Variants in RAB30 observed in about 807,000 individuals in gnomAD.
RAB30 encodes the protein RAB30, member RAS oncogene family, also known as ras-related protein Rab-30.
A neutral mutation model predicts 25.1 loss-of-function variants in RAB30; 9 were observed. The observed-to-expected ratio is 0.36, with a 90% CI of 0.22 to 0.63. RAB30 has a LOEUF of 0.63. RAB30 is among the 20% of genes least tolerant of loss of function. The pLI is 0.69. For missense variants in RAB30, 140 were observed against 243.5 expected, an observed-to-expected ratio of 0.58 and a Z score of 2.83; for synonymous variants, 77 against 86.4, an observed-to-expected ratio of 0.89 and a Z score of 0.60.
In RAB30 at chr11:82,977,114, C is replaced by T. The variant is rs1052492494; in HGVS notation, c.*5051G>A. The T allele has an allele frequency of 6.6e-6, 1 of 152,166 alleles. No homozygotes were observed. The highest frequency in any genetic ancestry group is 1.5e-5 in the Non-Finnish European group (1 of 68,034). The allele number at this position is 152,166 out of a possible 1,614,324, so 9.4% of individuals were successfully genotyped here. Reference sequence around the variant, plus strand: ...CTATCCTAAAATCTTGAAAGAGACACCCATTATTTATTAAACAGAGCAAGG... The same window carrying T: ...CTATCCTAAAATCTTGAAAGAGACATCCATTATTTATTAAACAGAGCAAGG... On this transcript the variant is annotated 3_prime_UTR_variant, in exon 5 of 5. Coordinates refer to ENST00000527633, the MANE Select transcript of RAB30 (RefSeq NM_001286060.2).
chr11:83,048,688 C>CTACATTTGATTGGCTA (rs1174102856), intron 1 of RAB30, among the ~76,000 whole-genome samples: 2 of 152,142 alleles, frequency 1.3e-5, no homozygotes, highest in Non-Finnish European at 2.9e-5. Context: ...GGTTGTCTAG[C>CTACATTTGATTGGCTA]CAATCAAAAT....
intron 3 of RAB30, among the ~76,000 whole-genome samples, chr11:82,991,784 G>A (rs1337607478): frequency 1.3e-5 from 2 of 152,226 alleles, no homozygotes; most frequent in Non-Finnish European, 2.9e-5. Flanking sequence ...GGGATAGAAA[G>A]TGTGCTGTGA....
chr11:83,006,060 C>T (rs895489869), intron 1 of RAB30, among the ~76,000 whole-genome samples: 1 of 151,954 alleles, frequency 6.6e-6, no homozygotes, highest in African/African-American at 2.4e-5. Context: ...GGCCATTCAT[C>T]TCAGATTGGC....
rs771645539 is a variant in RAB30 at position 82,982,126 on chromosome 11, G to A, written c.*39C>T. 1.9e-6 allele frequency: 3 copies of A among 1,612,106 alleles called. No homozygotes were observed. Among genetic ancestry groups the A allele is most frequent in the East Asian group, 2.2e-5 (1 of 44,876 alleles). On this transcript the variant is annotated 3_prime_UTR_variant, in exon 5 of 5. Coordinates refer to ENST00000527633, the MANE Select transcript of RAB30 (RefSeq NM_001286060.2). ...TCCCCAGCATCTCATGGCCCATCAG[G>A]GCAGTTGCTGATTCCTTTTCTTCTC...
At chr11:83,061,683 T>C (rs1453207513) in intron 1 of RAB30, among the ~76,000 whole-genome samples, 1 of 151,488 alleles carries the variant, frequency 6.6e-6, no homozygotes, top group Non-Finnish European at 1.5e-5. Flanking sequence ...TTTTTGTTTT[T>C]TTAGGTGGGA....
At chr11:82,987,469 T>C in intron 4 of RAB30, 118 bp downstream of exon 4, 1 of 1,010,052 alleles carries the variant, frequency 9.9e-7, no homozygotes, top group Non-Finnish European at 1.4e-6. Context: ...GAAGGTTGAC[T>C]GCATGAATTA....
intron 1 of RAB30, among the ~76,000 whole-genome samples, chr11:83,056,921 C>T (rs2121519663): frequency 6.6e-6 from 1 of 152,256 alleles, no homozygotes; most frequent in South Asian, 2.1e-4. Context: ...CATTTTGCTT[C>T]CTGACCATAA....
At chr11:83,048,421 G>A (rs7109941) in intron 1 of RAB30, among the ~76,000 whole-genome samples, 22,607 of 150,398 alleles carry the variant, frequency 0.15, 1,782 homozygotes, top group Middle Eastern at 0.23. Flanking sequence ...GCAGTGAGCC[G>A]TGATAACACC....
At chr11:82,991,341 A>C (rs1856846416) in intron 3 of RAB30, among the ~76,000 whole-genome samples, 1 of 151,772 alleles carries the variant, frequency 6.6e-6, no homozygotes, top group Admixed American at 6.6e-5. Flanking sequence ...CTCTACAAAA[A>C]ATAAAAATAA....
At chr11:83,060,084 C>T (rs571296557) in intron 1 of RAB30, 1 of 152,170 alleles carries the variant, frequency 6.6e-6, no homozygotes, top group Non-Finnish European at 1.5e-5. Flanking sequence ...CACCTGTAAT[C>T]CCAGCTACTC....
chr11:82,983,210 G>T (rs1856674971), intron 4 of RAB30, among the ~76,000 whole-genome samples: 1 of 151,914 alleles, frequency 6.6e-6, no homozygotes, highest in African/African-American at 2.4e-5. Context: ...AAAGAAAATG[G>T]TTACCTATGA....
chr11:82,998,023 A>G (rs1856995135), intron 1 of RAB30, among the ~76,000 whole-genome samples: 1 of 152,096 alleles, frequency 6.6e-6, no homozygotes, highest in East Asian at 1.9e-4. Flanking sequence ...TGAAGGTCCA[A>G]TGCCAGCAAT....
At chr11:82,998,027 C>T (rs1308996346) in intron 1 of RAB30, among the ~76,000 whole-genome samples, 1 of 152,108 alleles carries the variant, frequency 6.6e-6, no homozygotes. Context: ...GGTCCAATGC[C>T]AGCAATTCTT....
intron 1 of RAB30, among the ~76,000 whole-genome samples, chr11:83,020,051 C>T (rs1348934241): frequency 4.6e-5 from 7 of 152,368 alleles, no homozygotes; most frequent in African/African-American, 1.7e-4. Flanking sequence ...CAAGCAGGAG[C>T]TCCACCCCTT....
At chr11:83,068,443 T>A (rs765347590) in intron 1 of RAB30, among the ~76,000 whole-genome samples, 13 of 152,130 alleles carry the variant, frequency 8.5e-5, no homozygotes, top group South Asian at 2.1e-4. Context: ...TTTCCTTCAA[T>A]CTCCTCTACT....
intron 1 of RAB30, among the ~76,000 whole-genome samples, chr11:82,999,575 C>T (rs751911526): frequency 6.6e-6 from 1 of 152,324 alleles, no homozygotes; most frequent in South Asian, 2.1e-4. Context: ...TTCCTGCTGT[C>T]ACTGCCAGCT....
At chr11:83,019,756 C>A (rs1466258074) in intron 1 of RAB30, among the ~76,000 whole-genome samples, 1 of 152,080 alleles carries the variant, frequency 6.6e-6, no homozygotes. Flanking sequence ...TTTTTCAGTA[C>A]GAAATTCAAT....
chr11:83,018,868 A>G (rs1034767008), intron 1 of RAB30, among the ~76,000 whole-genome samples: 1 of 152,186 alleles, frequency 6.6e-6, no homozygotes, highest in African/African-American at 2.4e-5. Context: ...TGATTTTTGT[A>G]TAAGATCCAG....
chr11:82,982,258 T>A lies in RAB30; in HGVS notation c.519A>T (p.Glu173Asp). Residue 173 changes from glutamate (E) to aspartate (D), a missense_variant, in exon 5 of 5, where the codon GAA (glutamate) becomes GAT (aspartate). By Grantham distance (45) the Glu-to-Asp change is conservative. Coordinates refer to ENST00000527633, the MANE Select transcript of RAB30 (RefSeq NM_001286060.2). ...TGTTCACAAGTGTGTTCTGTCTGGC[T>A]TCACTGATGAGTCGGCATGCTAAGT... ...FLDLACRLIS[E>D]ARQNTLVNNV... The A allele has an allele frequency of 4.3e-6, 7 of 1,614,246 alleles. No homozygotes were observed. Among genetic ancestry groups the A allele is most frequent in the Non-Finnish European group, 5.9e-6 (7 of 1,180,028 alleles).
Sources: gnomAD v4.1 joint callset for allele counts (sites outside exome capture counted in the v4.1 genomes callset) on GRCh38, gnomAD v4.1.1 for gene constraint, MANE v1.5 for transcripts, NCBI Gene and HGNC (gene_info 2026-07-23, HGNC 2026-07-21) for gene names.